The following TRIM58 variants were observed in gnomAD, a reference collection of about 807,000 sequenced individuals.
TRIM58 encodes the protein E3 ubiquitin-protein ligase TRIM58.
A neutral mutation model predicts 34.1 loss-of-function variants in TRIM58; 38 were observed. The observed-to-expected ratio is 1.12, with a 90% confidence interval of 0.86 to 1.46. TRIM58 has a LOEUF of 1.46. Among genes scored for constraint, TRIM58 ranks in the 40% most tolerant of loss-of-function variants. The pLI is 0.00. For synonymous variants in TRIM58, 273 were observed against 275.7 expected (o/e 0.99, Z 0.10); for missense variants, 677 against 642.0 (o/e 1.05, Z -0.59).
chr1:247,860,328 A>T (rs1051221112), intron 1 of TRIM58, among the ~76,000 whole-genome samples: 2 of 152,022 alleles, frequency 1.3e-5, no homozygotes, highest in African/African-American at 4.8e-5. Context: ...GAATGTAATG[A>T]TGTGTGCCTG....
chr1:247,876,389 C>A lies in TRIM58; in HGVS notation c.1361C>A (p.Thr454Asn), dbSNP rs139427063. 35 of 1,614,086 alleles carry A rather than the reference C, an allele frequency of 2.2e-5. No individual in the cohort carries two copies. The African/African-American group carries it at 4.7e-4, about 22-fold the overall frequency. The change falls in exon 6 of 6, where the codon ACT (threonine) becomes AAT (asparagine). Residue 454 changes from threonine (T) to asparagine (N), a missense_variant. Thr to Asn is a moderately conservative substitution (Grantham distance 65). Transcript: ENST00000366481. ...CCTTACTTTTTCATCTGTGATGCAACTCCTCTTATCTTGCCACCCACAACA... is the reference window on the plus strand; with the variant it reads ...CCTTACTTTTTCATCTGTGATGCAAATCCTCTTATCTTGCCACCCACAACA... ...LRPYFFICDATPLILPPTTIA... is the reference protein window; with the variant it reads ...LRPYFFICDANPLILPPTTIA...
At chr1:247,865,364 A>T (rs1663896037) in intron 3 of TRIM58, among the ~76,000 whole-genome samples, 1 of 152,184 alleles carries the variant, frequency 6.6e-6, no homozygotes, top group African/African-American at 2.4e-5. Context: ...GACAAGCTAC[A>T]CTCTGCTGGC....
At position 247,859,625 on chromosome 1, in the gene TRIM58, GT is replaced by G. The variant is rs532073917; in HGVS notation, c.421-986del. Among the ~76,000 whole-genome samples, 830 of 152,032 alleles carry G rather than the reference GT, an allele frequency of 5.5e-3. 8 individuals carry two copies. The highest frequency in any genetic ancestry group is 0.019 in the African/African-American group (796 of 41,458). On this transcript the variant is annotated intron_variant, in intron 1 of 5. Transcript: ENST00000366481. The stretch of plus-strand genomic sequence containing the variant: ...CATTGCAAGGTTTACAACATACTGT[GT>G]TTTTTCATATAAAATATGATAACCT...
intron 5 of TRIM58, 84 bp from the exon 6 acceptor site, chr1:247,875,816 G>C (rs980993163): frequency 1.4e-5 from 16 of 1,183,000 alleles, no homozygotes; most frequent in Non-Finnish European, 1.9e-5. Context: ...GTGAGGAACT[G>C]TGGGACTATT....
At chr1:247,867,807 A>T in intron 3 of TRIM58, 38 bp from the exon 4 acceptor site, 3 of 1,614,042 alleles carry the variant, frequency 1.9e-6, no homozygotes, top group Non-Finnish European at 2.5e-6. Context: ...AAAGCAGTTC[A>T]GAGTCCAACT....
chr1:247,878,267 T>A lies in TRIM58; in HGVS notation c.*1778T>A, dbSNP rs947072858. The A allele has an allele frequency of 6.6e-6, 1 of 152,284 alleles. No homozygotes were observed. The highest frequency in any genetic ancestry group is 1.9e-4 in the East Asian group (1 of 5,190). The allele number at this position is 152,284 out of a possible 1,614,324, so 9.4% of individuals were successfully genotyped here. On this transcript the variant is annotated 3_prime_UTR_variant, in exon 6 of 6. Transcript: ENST00000366481. ...TGCTTCAATGCTAACCAAATATTAA[T>A]TAATGGCAAATTATTTAACATTATC...
chr1:247,861,169 AT>A (rs907653812), intron 2 of TRIM58, among the ~76,000 whole-genome samples: 12 of 151,870 alleles, frequency 7.9e-5, no homozygotes, highest in African/African-American at 2.9e-4. Context: ...CACATATTCC[AT>A]TTTTTTATAC....
intron 5 of TRIM58, among the ~76,000 whole-genome samples, chr1:247,873,527 C>T (rs1572578609): frequency 6.6e-6 from 1 of 152,126 alleles, no homozygotes; most frequent in African/African-American, 2.4e-5. Context: ...TGTTATTTAC[C>T]TCTAGAGTTT....
rs748047358 is a variant in TRIM58, at chr1:247,875,882, A to G, written c.872-18A>G. On this transcript the variant is annotated intron_variant, in intron 5 of 5. Transcript: ENST00000366481. Reference sequence around the variant, plus strand: ...TCCTTTCTTTCCTTTCACCTGGTCCACCACATTCTTTCCGCAGTGGATGTA... The same window carrying G: ...TCCTTTCTTTCCTTTCACCTGGTCCGCCACATTCTTTCCGCAGTGGATGTA... The G allele has an allele frequency of 6.3e-7, 1 of 1,595,800 alleles. No individual in the cohort carries two copies. The highest frequency in any genetic ancestry group is 8.5e-7 in the Non-Finnish European group (1 of 1,169,810).
rs971360885 is a variant in TRIM58 at position 247,860,508 on chromosome 1, A to T, written c.421-109A>T. The stretch of plus-strand genomic sequence containing the variant: ...GTTTTTAATGATATTGAACATTTTT[A>T]TGTGCTTTCTAGGGACTGTTTAAGT... On this transcript the variant is annotated intron_variant, in intron 1 of 5. Transcript: ENST00000366481. 2.0e-5 allele frequency: 14 copies of T among 686,956 alleles called. No individual in the cohort carries two copies. The East Asian group carries it at 3.9e-4, about 19-fold the overall frequency. The allele number at this position is 686,956 out of a possible 1,614,324, so 42.6% of individuals were successfully genotyped here.
rs578131387 is a variant in TRIM58, at chr1:247,868,938, C to T, written c.871+875C>T. Among the ~76,000 whole-genome samples, 28 of 151,978 alleles carry T rather than the reference C, an allele frequency of 1.8e-4. No individual in the cohort carries two copies. The South Asian group carries it at 2.5e-3, about 14-fold the overall frequency. ...TGTGTGTGATGAAGTCTTACTCTGT[C>T]GCCCAGGCTGGAGTGCAGTGGCGCC... On this transcript the variant is annotated intron_variant, in intron 5 of 5. Coordinates refer to ENST00000366481, the MANE Select transcript of TRIM58 (RefSeq NM_015431.4).
chr1:247,861,277 A>T (rs903273382), intron 2 of TRIM58, among the ~76,000 whole-genome samples: 2 of 150,806 alleles, frequency 1.3e-5, no homozygotes, highest in Admixed American at 6.6e-5. Context: ...AGTGATTCAC[A>T]TACACACACA....
At chr1:247,860,765 CG>C in intron 2 of TRIM58, 53 bp downstream of exon 2, 1 of 1,396,792 alleles carries the variant, frequency 7.2e-7, no homozygotes, top group Non-Finnish European at 1.0e-6. Context: ...GATCCAGATT[CG>C]GGTCAGTAAT....
intron 5 of TRIM58, among the ~76,000 whole-genome samples, chr1:247,868,464 C>G (rs11204530): frequency 0.53 from 79,948 of 152,018 alleles, 23,200 homozygotes; most frequent in Middle Eastern, 0.68. Flanking sequence ...GGGGATTTCT[C>G]TCCGCAAACA....
chr1:247,869,934 G>T (rs559626367), intron 5 of TRIM58, among the ~76,000 whole-genome samples: 2 of 152,324 alleles, frequency 1.3e-5, no homozygotes, highest in East Asian at 1.9e-4. Flanking sequence ...AGATGGGGAG[G>T]TGTGGATGAT....
In TRIM58 at chr1:247,876,095, C is replaced by T. The variant is rs1659278946; in HGVS notation, c.1067C>T (p.Ala356Val). The T allele has an allele frequency of 4.3e-6, 7 of 1,614,120 alleles. No individual in the cohort carries two copies. The East Asian group carries it at 1.6e-4, about 36-fold the overall frequency. The change falls in exon 6 of 6, where the codon GCA (alanine) becomes GTA (valine). Residue 356 changes from alanine to valine, a missense_variant. Transcript: ENST00000366481. ...HYWEVLVGEG[A>V]EWGLGVCQDT... is the part of the protein sequence containing the mutation. ...TGGGAGGTTCTGGTGGGAGAAGGAG[C>T]AGAGTGGGGTTTAGGGGTCTGTCAA...
chr1:247,876,423 G>T lies in TRIM58; in HGVS notation c.1395G>T (p.Gly465=). The T allele has an allele frequency of 6.2e-7, 1 of 1,614,156 alleles. No homozygotes were observed. Among genetic ancestry groups the T allele is most frequent in the South Asian group, 1.1e-5 (1 of 91,078 alleles). The change falls in exon 6 of 6, where the codon GGG becomes GGT. Residue 465 remains glycine (G), a synonymous_variant. Coordinates refer to ENST00000366481, the MANE Select transcript of TRIM58 (RefSeq NM_015431.4). Reference sequence around the variant, plus strand: ...TCTTGCCACCCACAACAATAGCAGGGTCAGGAAATTGGGCATCCAGGGATC... The same window carrying T: ...TCTTGCCACCCACAACAATAGCAGGTTCAGGAAATTGGGCATCCAGGGATC... ...PLILPPTTIA[G]SGNWASRDHL...
rs757722758 is a variant in TRIM58, at chr1:247,860,669, T to A, written c.473T>A (p.Leu158Ter). Residue 158 changes from leucine to a stop codon, truncating the protein, a stop_gained, in exon 2 of 6, where the codon TTG (leucine) becomes TAG (stop). Coordinates refer to ENST00000366481, the MANE Select transcript of TRIM58 (RefSeq NM_015431.4). LOFTEE classifies it high-confidence loss of function. ...ATGAGGAAAGAGTTGGAGGACGCCT[T>A]GACTCAGGAGGCCAACGTGGGGAAA... ...ELMRKELEDA[L>*]TQEANVGKKT... 3 of 1,613,832 alleles carry A rather than the reference T, an allele frequency of 1.9e-6. No individual in the cohort carries two copies. The South Asian group carries it at 3.3e-5, about 18-fold the overall frequency.
chr1:247,858,356 A>G (rs1032088862), intron 1 of TRIM58, among the ~76,000 whole-genome samples: 1 of 152,180 alleles, frequency 6.6e-6, no homozygotes, highest in African/African-American at 2.4e-5. Flanking sequence ...CCAGAGTGGC[A>G]TCTGTGAAAT....
Sources: allele counts gnomAD v4.1 joint callset (sites outside exome capture counted in the v4.1 genomes callset), GRCh38; gene constraint gnomAD v4.1.1; transcripts MANE v1.5; gene names NCBI Gene and HGNC (gene_info 2026-07-23, HGNC 2026-07-21).